FGF12: variants seen among roughly 807,000 people sequenced by gnomAD.
FGF12 encodes the protein fibroblast growth factor 12.
A neutral mutation model predicts 23.6 loss-of-function variants in FGF12; 14 were observed. The observed-to-expected ratio is 0.59, with a 90% CI of 0.39 to 0.93. FGF12 has a LOEUF of 0.93. Among genes scored for constraint, FGF12 ranks in the 40% least tolerant of loss-of-function variants. FGF12 has a pLI of 0.00. For missense variants in FGF12, 175 were observed against 217.8 expected, an observed-to-expected ratio of 0.80 and a Z score of 1.24; for synonymous variants, 62 against 77.3, an observed-to-expected ratio of 0.80 and a Z score of 1.04.
intron 4 of FGF12, among the ~76,000 whole-genome samples, chr3:192,332,174 G>A (rs2108694154): frequency 6.6e-6 from 1 of 152,140 alleles, no homozygotes; most frequent in Middle Eastern, 3.4e-3. Context: ...CTGGCAGCAA[G>A]AAAGGTTGTG....
intron 2 of FGF12, among the ~76,000 whole-genome samples, chr3:192,369,576 C>A (rs1479844717): frequency 6.6e-6 from 1 of 152,204 alleles, no homozygotes; most frequent in Admixed American, 6.5e-5. Context: ...GAAAACTGAG[C>A]TAAGATGTGA....
chr3:192,361,869 G>A (rs1718744293), intron 2 of FGF12, among the ~76,000 whole-genome samples: 3 of 152,114 alleles, frequency 2.0e-5, no homozygotes, highest in African/African-American at 7.2e-5. Flanking sequence ...GTCCTACAAA[G>A]CAAAAGAGAT....
intron 4 of FGF12, among the ~76,000 whole-genome samples, chr3:192,191,324 C>T (rs987487593): frequency 6.6e-6 from 1 of 152,128 alleles, no homozygotes; most frequent in Non-Finnish European, 1.5e-5. Context: ...GATTTGTCCA[C>T]ACTCGCAGAA....
At chr3:192,210,733 C>CA (rs11425372) in intron 4 of FGF12, among the ~76,000 whole-genome samples, 22,146 of 152,014 alleles carry the variant, frequency 0.15, 1,911 homozygotes, top group African/African-American at 0.24. Flanking sequence ...TATATTCTAA[C>CA]GAGAGTAGAA....
At chr3:192,435,552 A>G (rs1330159089) in intron 2 of FGF12, among the ~76,000 whole-genome samples, 2 of 152,006 alleles carry the variant, frequency 1.3e-5, no homozygotes, top group African/African-American at 4.8e-5. Context: ...TGGAAACCCA[A>G]TTTCTGGTCC....
chr3:192,709,325 T>C (rs1718589676), intron 2 of FGF12, among the ~76,000 whole-genome samples: 1 of 152,224 alleles, frequency 6.6e-6, no homozygotes, highest in Non-Finnish European at 1.5e-5. Flanking sequence ...TGGCATTACA[T>C]GAACGAGTTT....
chr3:192,614,653 G>A (rs1714681165), intron 2 of FGF12, among the ~76,000 whole-genome samples: 1 of 151,862 alleles, frequency 6.6e-6, no homozygotes, highest in Admixed American at 6.6e-5. Flanking sequence ...TCAGTCGTAG[G>A]AGACTACATT....
rs142153231 is a variant in FGF12, at chr3:192,632,456, G to A, written c.13+94725C>T. Among the ~76,000 whole-genome samples, 810 of 152,196 alleles carry A rather than the reference G, an allele frequency of 5.3e-3. 8 individuals carry two copies. The highest frequency in any genetic ancestry group is 0.018 in the African/African-American group (753 of 41,530). On this transcript the variant is annotated intron_variant, in intron 2 of 5. Coordinates refer to ENST00000445105, the MANE Select transcript of FGF12 (RefSeq NM_004113.6). ...ACTTACAAAATTTTGTTGACATCAAGCTTCAAATGCCAAGCAGGTAAAATG... is the reference window on the plus strand; with the variant it reads ...ACTTACAAAATTTTGTTGACATCAAACTTCAAATGCCAAGCAGGTAAAATG...
chr3:192,426,656 G>A (rs925956248), intron 2 of FGF12, among the ~76,000 whole-genome samples: 1 of 152,142 alleles, frequency 6.6e-6, no homozygotes, highest in African/African-American at 2.4e-5. Context: ...GAGATAAAAA[G>A]TGTAATACAA....
At chr3:192,366,039 A>T (rs950890028) in intron 2 of FGF12, among the ~76,000 whole-genome samples, 1 of 151,888 alleles carries the variant, frequency 6.6e-6, no homozygotes, top group Non-Finnish European at 1.5e-5. Context: ...ACAGTGTCTT[A>T]TCCAAGGTCA....
intron 4 of FGF12, among the ~76,000 whole-genome samples, chr3:192,172,822 C>G (rs1254520468): frequency 6.6e-6 from 1 of 150,874 alleles, no homozygotes; most frequent in Non-Finnish European, 1.5e-5. Context: ...AACATATGTC[C>G]ACACAAAAAC....
At chr3:192,395,888 C>T (rs898611678) in intron 2 of FGF12, among the ~76,000 whole-genome samples, 42 of 152,162 alleles carry the variant, frequency 2.8e-4, no homozygotes, top group Admixed American at 2.4e-3. Flanking sequence ...TGGCATCCCT[C>T]GTGGAGAAAT....
intron 4 of FGF12, among the ~76,000 whole-genome samples, chr3:192,172,217 C>T (rs1715607499): frequency 7.2e-6 from 1 of 139,156 alleles, no homozygotes; most frequent in Admixed American, 7.4e-5. Context: ...GGTGAAACCC[C>T]GTCTCTACTA....
chr3:192,723,860 T>TGAGA (rs201705134), intron 2 of FGF12, among the ~76,000 whole-genome samples: 6,829 of 118,988 alleles, frequency 0.057, 342 homozygotes, highest in East Asian at 0.21. Flanking sequence ...TGTGTGTGTG[T>TGAGA]GTGAGAGAGA....
intron 4 of FGF12, among the ~76,000 whole-genome samples, chr3:192,179,098 G>A (rs1364300248): frequency 1.3e-5 from 2 of 152,062 alleles, no homozygotes; most frequent in Non-Finnish European, 2.9e-5. Flanking sequence ...TCAAGCAAGA[G>A]AAATATTGTT....
At chr3:192,611,672 G>A (rs1011152004) in intron 2 of FGF12, among the ~76,000 whole-genome samples, 3 of 151,916 alleles carry the variant, frequency 2.0e-5, no homozygotes, top group African/African-American at 7.3e-5. Context: ...TACTTCCCAC[G>A]TAACTGTCAT....
intron 2 of FGF12, among the ~76,000 whole-genome samples, chr3:192,386,586 A>C (rs1720048938): frequency 6.6e-6 from 1 of 152,184 alleles, no homozygotes; most frequent in African/African-American, 2.4e-5. Context: ...AGAAGAATAA[A>C]TATGAGTATG....
At chr3:192,611,598 A>C (rs572765381) in intron 2 of FGF12, among the ~76,000 whole-genome samples, 41 of 152,130 alleles carry the variant, frequency 2.7e-4, no homozygotes, top group African/African-American at 9.9e-4. Context: ...ATTGCCCAAG[A>C]AACTCAAAAC....
intron 2 of FGF12, among the ~76,000 whole-genome samples, chr3:192,468,848 T>G (rs1232914568): frequency 6.6e-6 from 1 of 152,178 alleles, no homozygotes; most frequent in Non-Finnish European, 1.5e-5. Context: ...TGCGGAACAG[T>G]GATTTTTCTA....
Sources: gnomAD v4.1 joint callset for allele counts (sites outside exome capture counted in the v4.1 genomes callset) on GRCh38, gnomAD v4.1.1 for gene constraint, MANE v1.5 for transcripts, NCBI Gene and HGNC (gene_info 2026-07-23, HGNC 2026-07-21) for gene names.